The following LLGL2 variants were observed in gnomAD, a reference collection of about 807,000 sequenced individuals.
LLGL2 encodes the protein LLGL2, scribble cell polarity complex component.
LLGL2 carries 81 observed loss-of-function variants against 123.2 expected under a neutral mutation model. That is an observed-to-expected ratio of 0.66 (90% CI 0.55 to 0.79). The LOEUF is 0.79. LLGL2 is among the 30% of genes least tolerant of loss of function. The pLI is 0.00. For missense variants in LLGL2, 1,273 were observed against 1,414.6 expected, an observed-to-expected ratio of 0.90 and a Z score of 1.61; for synonymous variants, 577 against 594.1, an observed-to-expected ratio of 0.97 and a Z score of 0.42.
intron 2 of LLGL2, among the ~76,000 whole-genome samples, chr17:75,546,922 G>T (rs1196423482): frequency 1.3e-5 from 2 of 152,188 alleles, no homozygotes; most frequent in Non-Finnish European, 2.9e-5. Context: ...TGGGCTGTTG[G>T]TGTAGGCGAG....
In LLGL2 at chr17:75,532,080, T is replaced by TACACACACACAC. The variant is rs1444218695; in HGVS notation, c.-31+6255_-31+6256insACACACACACAC. Among the ~76,000 whole-genome samples the TACACACACACAC allele has an allele frequency of 1.6e-3, 46 of 28,194 alleles. 1 individual carries two copies. Among genetic ancestry groups the TACACACACACAC allele is most frequent in the Non-Finnish European group, 5.0e-4 (4 of 7,972 alleles). 18.5% of individuals were successfully genotyped at this position (28,194 alleles called of 152,430 possible). ...TACACACACACACACACACACACTT[T>TACACACACACAC]TTTTTTTTTTTTTTTTTTGAGACGG... is the stretch of plus-strand genomic sequence containing the variant. On this transcript the variant is annotated intron_variant, in intron 1 of 25. Transcript: ENST00000392550.
At chr17:75,548,353 C>T (rs1221857834) in intron 2 of LLGL2, among the ~76,000 whole-genome samples, 1 of 150,740 alleles carries the variant, frequency 6.6e-6, no homozygotes, top group African/African-American at 2.4e-5. Flanking sequence ...TCTCAGCTCA[C>T]TGCAACCTCT....
rs1454817835 is a variant in LLGL2, at chr17:75,563,245, A to G, written c.693+67A>G. 4 of 1,608,164 alleles carry G rather than the reference A, an allele frequency of 2.5e-6. No individual in the cohort carries two copies. In the African/African-American group the frequency reaches 5.3e-5, roughly 21 times the overall value. ...CCAGGGCCCCAAGTGGCACATACAC[A>G]CTGTGCAGAGGCATGGGGTGCAGGC... On this transcript the variant is annotated intron_variant, in intron 7 of 25. Coordinates refer to ENST00000392550, the MANE Select transcript of LLGL2 (RefSeq NM_001031803.2).
intron 3 of LLGL2, among the ~76,000 whole-genome samples, chr17:75,557,314 C>T (rs1405051252): frequency 2.6e-5 from 4 of 152,206 alleles, no homozygotes; most frequent in African/African-American, 9.6e-5. Flanking sequence ...AATTCCACCC[C>T]CACTCCCACA....
At chr17:75,526,065 G>A (rs2053555328) in intron 1 of LLGL2, among the ~76,000 whole-genome samples, 1 of 152,172 alleles carries the variant, frequency 6.6e-6, no homozygotes, top group African/African-American at 2.4e-5. Flanking sequence ...ACTTGGGCTT[G>A]GGTTTGCACA....
intron 21 of LLGL2, 25 bp downstream of exon 21, chr17:75,573,656 T>TGGCCCC: frequency 3.5e-6 from 5 of 1,429,100 alleles, no homozygotes; most frequent in Non-Finnish European, 4.6e-6. Context: ...CAGAGGCCTC[T>TGGCCCC]CCCGCCCCTC....
chr17:75,572,153 A>G lies in LLGL2; in HGVS notation c.2460+89A>G, dbSNP rs2055742846. On this transcript the variant is annotated intron_variant, in intron 19 of 25. Coordinates refer to ENST00000392550, the MANE Select transcript of LLGL2 (RefSeq NM_001031803.2). ...TGGGCAAAAATGATGGCTGGGACTC[A>G]GTCTTGTTTGCAGTTGGTGTCTGAG... 6 of 1,326,334 alleles carry G rather than the reference A, an allele frequency of 4.5e-6. No individual in the cohort carries two copies. In the South Asian group the frequency reaches 6.5e-5, roughly 14 times the overall value. The allele number at this position is 1,326,334 out of a possible 1,614,324, so 82.2% of individuals were successfully genotyped here.
At chr17:75,537,348 C>CT (rs1375550812) in intron 1 of LLGL2, among the ~76,000 whole-genome samples, 7 of 152,122 alleles carry the variant, frequency 4.6e-5, no homozygotes, top group African/African-American at 1.7e-4. Flanking sequence ...CTGAACCCAT[C>CT]TTGACCATTC....
intron 1 of LLGL2, among the ~76,000 whole-genome samples, chr17:75,541,320 G>A (rs944010139): frequency 2.6e-5 from 4 of 152,230 alleles, no homozygotes; most frequent in Non-Finnish European, 4.4e-5. Context: ...CCTGGGCCCC[G>A]GGTGGGGGTG....
At chr17:75,548,858 A>G (rs59138015) in intron 2 of LLGL2, among the ~76,000 whole-genome samples, 60,956 of 151,692 alleles carry the variant, frequency 0.4, 12,909 homozygotes, top group Non-Finnish European at 0.48. Flanking sequence ...ACAGCATCAT[A>G]ATGATCCCTA....
rs776647855 is a variant in LLGL2, at chr17:75,563,782, T to C, written c.857T>C (p.Ile286Thr). Residue 286 changes from isoleucine to threonine, a missense_variant, in exon 9 of 26, where the codon ATC becomes ACC. Coordinates refer to ENST00000392550, the MANE Select transcript of LLGL2 (RefSeq NM_001031803.2). ...TTTCCTTGCAAAGCGATTACCAGAATCCTCTGGCTGACCACTAGGCAGGGG... is the reference window on the plus strand; with the variant it reads ...TTTCCTTGCAAAGCGATTACCAGAACCCTCTGGCTGACCACTAGGCAGGGG... ...GPFPCKAITR[I>T]LWLTTRQGLP... is the part of the protein sequence containing the mutation. 1.9e-6 allele frequency: 3 copies of C among 1,613,976 alleles called. No individual in the cohort carries two copies.
At position 75,554,873 on chromosome 17, in the gene LLGL2, C is replaced by T. The variant is rs1372652117; in HGVS notation, c.76-1173C>T. Among the ~76,000 whole-genome samples the T allele has an allele frequency of 1.7e-4, 19 of 110,706 alleles. 1 individual carries two copies. In the South Asian group the frequency reaches 2.7e-3, roughly 16 times the overall value. 72.6% of individuals were successfully genotyped at this position (110,706 alleles called of 152,430 possible). A position where few individuals can be genotyped will look rare whatever the true frequency, so the allele number is the denominator to read the frequency against. On this transcript the variant is annotated intron_variant, in intron 2 of 25. Coordinates refer to ENST00000392550, the MANE Select transcript of LLGL2 (RefSeq NM_001031803.2). ...CACTGCACTCCAGCCTGGGCGACAG[C>T]GCAAGACTCCGTCTCAAAAAAAAAA...
chr17:75,531,582 C>CT (rs1330471522), intron 1 of LLGL2, among the ~76,000 whole-genome samples: 2 of 152,202 alleles, frequency 1.3e-5, no homozygotes, highest in Non-Finnish European at 2.9e-5. Context: ...GCGAGGCACG[C>CT]CAGGTCTGCT....
chr17:75,559,242 C>A lies in LLGL2; in HGVS notation c.372-10C>A. The A allele has an allele frequency of 6.3e-7, 1 of 1,588,524 alleles. No homozygotes were observed. Among genetic ancestry groups the A allele is most frequent in the Non-Finnish European group, 8.6e-7 (1 of 1,167,720 alleles). On this transcript the variant is annotated splice_polypyrimidine_tract_variant and intron_variant, in intron 5 of 25. Coordinates refer to ENST00000392550, the MANE Select transcript of LLGL2 (RefSeq NM_001031803.2). The surrounding 1 kb of genome is among the most constrained non-coding windows in gnomAD (Gnocchi z 4.6). ...AGTGGTCGGCTCACGGGCAGCTGTT[C>A]TTGTCACAGGGCTGCCCCCAGTGCC... is the stretch of plus-strand genomic sequence containing the variant.
At chr17:75,567,744 C>T (rs896223269) in intron 10 of LLGL2, among the ~76,000 whole-genome samples, 1 of 151,968 alleles carries the variant, frequency 6.6e-6, no homozygotes, top group African/African-American at 2.4e-5. Flanking sequence ...GAGTTCAACA[C>T]CAGCCTGAGC....
intron 1 of LLGL2, among the ~76,000 whole-genome samples, chr17:75,541,715 CTTTTTTTTTTTTTTTTTTTTTT>C (rs56656168): frequency 3.2e-5 from 1 of 31,508 alleles, no homozygotes; most frequent in Non-Finnish European, 5.4e-5. Flanking sequence ...TGTGGCTCTG[CTTTTTTTTTTTTTTTTTTTTTT>C]TTTTTTTTTG....
intron 23 of LLGL2, 96 bp from the exon 24 acceptor site, chr17:75,574,357 A>G: frequency 6.5e-7 from 1 of 1,533,356 alleles, no homozygotes; most frequent in East Asian, 2.5e-5. Context: ...GAGGCGGGGT[A>G]CAGATCCATG....
chr17:75,556,239 G>A, intron 3 of LLGL2, 96 bp downstream of exon 3: 1 of 960,316 alleles, frequency 1.0e-6, no homozygotes, highest in Non-Finnish European at 1.6e-6. Context: ...TGGGCTGTTG[G>A]GATAAAATGA....
chr17:75,538,900 CT>C (rs960799864), intron 1 of LLGL2, among the ~76,000 whole-genome samples: 1 of 148,604 alleles, frequency 6.7e-6, no homozygotes, highest in East Asian at 1.9e-4. Flanking sequence ...CTTTCTTTTT[CT>C]TTTTTTTAGA....
Sources: allele counts gnomAD v4.1 joint callset (sites outside exome capture counted in the v4.1 genomes callset), GRCh38; gene constraint gnomAD v4.1.1; non-coding constraint Gnocchi (gnomAD v3.1); transcripts MANE v1.5; gene names NCBI Gene and HGNC (gene_info 2026-07-23, HGNC 2026-07-21).